The following RDX variants were observed in gnomAD, a reference collection of about 807,000 sequenced individuals.
RDX encodes deafness, autosomal recessive 24.
A neutral mutation model predicts 83.7 loss-of-function variants in RDX; 32 were observed. The observed-to-expected ratio is 0.38, with a 90% CI of 0.29 to 0.51. The LOEUF (loss-of-function observed/expected upper bound fraction) is 0.51. Among genes scored for constraint, RDX ranks in the 20% least tolerant of loss-of-function variants. The pLI is 0.87. For missense variants in RDX, 600 were observed against 689.9 expected, an observed-to-expected ratio of 0.87 and a Z score of 1.46; for synonymous variants, 229 against 222.7, an observed-to-expected ratio of 1.03 and a Z score of -0.25.
At chr11:110,292,006 T>A (rs1444952782) in intron 1 of RDX, among the ~76,000 whole-genome samples, 1 of 151,754 alleles carries the variant, frequency 6.6e-6, no homozygotes, top group Admixed American at 6.6e-5. Flanking sequence ...AAAAAATTAG[T>A]TGTTGGCCAG....
At chr11:110,234,877 A>T (rs760881349) in intron 12 of RDX, among the ~76,000 whole-genome samples, 4 of 152,252 alleles carry the variant, frequency 2.6e-5, no homozygotes, top group Non-Finnish European at 5.9e-5. Context: ...TAGAAAAATC[A>T]TCTTCTAAAA....
chr11:110,249,899 C>A (rs1249212299), intron 9 of RDX, among the ~76,000 whole-genome samples: 1 of 152,028 alleles, frequency 6.6e-6, no homozygotes, highest in Non-Finnish European at 1.5e-5. Flanking sequence ...AAAACTAGGG[C>A]CTGGTGGTCA....
intron 10 of RDX, among the ~76,000 whole-genome samples, chr11:110,242,350 C>T (rs2134326002): frequency 6.6e-6 from 1 of 151,462 alleles, no homozygotes; most frequent in South Asian, 2.1e-4. Flanking sequence ...AGGAGAATCG[C>T]TTGAACCCGG....
intron 5 of RDX, among the ~76,000 whole-genome samples, chr11:110,259,042 C>A (rs911362097): frequency 6.6e-6 from 1 of 151,952 alleles, no homozygotes; most frequent in African/African-American, 2.4e-5. Context: ...CTCGGCCTCC[C>A]GCGTAGCTGG....
chr11:110,235,400 C>T (rs1450278714), intron 12 of RDX, among the ~76,000 whole-genome samples: 1 of 152,054 alleles, frequency 6.6e-6, no homozygotes, highest in Non-Finnish European at 1.5e-5. Flanking sequence ...CTTTTTGTGA[C>T]CACAAAATGT....
chr11:110,277,693 T>A (rs1307734445), intron 2 of RDX, among the ~76,000 whole-genome samples: 1 of 152,072 alleles, frequency 6.6e-6, no homozygotes, highest in Admixed American at 6.6e-5. Flanking sequence ...AAAAAAAATC[T>A]GAGTTGTGTT....
chr11:110,260,534 C>T (rs928104996), intron 5 of RDX, among the ~76,000 whole-genome samples: 3 of 152,130 alleles, frequency 2.0e-5, no homozygotes, highest in East Asian at 1.9e-4. Context: ...CTCCGCCTCC[C>T]GGGTTCCAGT....
intron 2 of RDX, among the ~76,000 whole-genome samples, chr11:110,278,534 C>G (rs966670058): frequency 2.0e-5 from 3 of 151,918 alleles, no homozygotes; most frequent in African/African-American, 7.3e-5. Flanking sequence ...AACTAAATAA[C>G]CAAACTAGTT....
chr11:110,293,998 A>C (rs931525939), intron 1 of RDX, among the ~76,000 whole-genome samples: 11 of 152,246 alleles, frequency 7.2e-5, no homozygotes, highest in African/African-American at 2.7e-4. Context: ...CTATTATATC[A>C]GATCACACAT....
chr11:110,227,316 A>G (rs996548417), downstream of RDX, among the ~76,000 whole-genome samples: 11 of 152,178 alleles, frequency 7.2e-5, no homozygotes, highest in African/African-American at 2.7e-4. Flanking sequence ...TTCTGATCGC[A>G]TATTACCACT....
At chr11:110,179,854 C>T (rs1862846459) in intron 15 of RDX, 1 of 423,730 alleles carries the variant, frequency 2.4e-6, no homozygotes, top group Admixed American at 2.9e-5. Context: ...CTCTAGGCCT[C>T]CCTGCAGTGC....
intron 9 of RDX, among the ~76,000 whole-genome samples, chr11:110,249,850 GCAGGCA>G (rs1305556041): frequency 6.6e-6 from 1 of 152,106 alleles, no homozygotes; most frequent in Non-Finnish European, 1.5e-5. Flanking sequence ...CCCCAGCCTG[GCAGGCA>G]ACTGAGCAAG....
intron 14 of RDX, among the ~76,000 whole-genome samples, chr11:110,205,760 G>A (rs909559762): frequency 5.3e-5 from 8 of 152,154 alleles, no homozygotes; most frequent in African/African-American, 1.9e-4. Flanking sequence ...GAAGTGTGGC[G>A]AAGATGTGGA....
At chr11:110,284,426 T>A (rs960922805) in intron 1 of RDX, among the ~76,000 whole-genome samples, 9 of 152,212 alleles carry the variant, frequency 5.9e-5, no homozygotes, top group African/African-American at 2.2e-4. Context: ...TTTTTGGTAT[T>A]ATTAAAACAA....
At chr11:110,222,214 T>C (rs975225044) in intron 14 of RDX, among the ~76,000 whole-genome samples, 2 of 152,200 alleles carry the variant, frequency 1.3e-5, no homozygotes, top group Non-Finnish European at 2.9e-5. Flanking sequence ...ACTAGTTATC[T>C]AGAAGACATA....
At chr11:110,254,926 A>T (rs1219714743) in intron 8 of RDX, among the ~76,000 whole-genome samples, 2 of 152,226 alleles carry the variant, frequency 1.3e-5, no homozygotes, top group African/African-American at 2.4e-5. Context: ...TCATAAAGCA[A>T]AACTGTATAA....
At chr11:110,283,964 A>G (rs937255349) in intron 1 of RDX, among the ~76,000 whole-genome samples, 1 of 152,198 alleles carries the variant, frequency 6.6e-6, no homozygotes, top group Admixed American at 6.5e-5. Context: ...CCACTCAGTA[A>G]ACACTTCAAT....
At chr11:110,207,626 T>C (rs551284348) in intron 14 of RDX, among the ~76,000 whole-genome samples, 1 of 152,322 alleles carries the variant, frequency 6.6e-6, no homozygotes, top group Non-Finnish European at 1.5e-5. Flanking sequence ...TACCTTTTTT[T>C]TTTAAACAAA....
intron 15 of RDX, among the ~76,000 whole-genome samples, chr11:110,177,356 C>CAAT (rs1862796643): frequency 6.6e-6 from 1 of 152,210 alleles, no homozygotes; most frequent in Non-Finnish European, 1.5e-5. Flanking sequence ...TCTTGAAGCT[C>CAAT]AGCTACTTCC....
Sources: gnomAD v4.1 joint callset for allele counts (sites outside exome capture counted in the v4.1 genomes callset) on GRCh38, gnomAD v4.1.1 for gene constraint, MANE v1.5 for transcripts, NCBI Gene and HGNC (gene_info 2026-07-23, HGNC 2026-07-21) for gene names.